The following ZNF618 variants were observed in gnomAD, a reference collection of about 807,000 sequenced individuals.
ZNF618 encodes neural precursor cell expressed, developmentally down-regulated 10.
Under a neutral mutation model 103.0 loss-of-function variants are expected in ZNF618, and 34 were observed. The ratio of observed to expected loss-of-function variants is 0.33; its 90% CI spans 0.25 to 0.44. The LOEUF (loss-of-function observed/expected upper bound fraction) is 0.44, where lower values mean the gene tolerates loss of function less well. Ranked by LOEUF, ZNF618 falls within the 20% of genes least tolerant of loss-of-function variation. The probability of loss-of-function intolerance (pLI) is 1.00; values close to 1 mark genes in which losing one functional copy is unlikely to be tolerated. For missense variants in ZNF618, 1,059 were observed against 1,295.4 expected, an observed-to-expected ratio of 0.82 and a Z score of 2.80; for synonymous variants, 551 against 542.2, an observed-to-expected ratio of 1.02 and a Z score of -0.23.
chr9:113,940,694 G>A (rs1834468390), intron 1 of ZNF618, among the ~76,000 whole-genome samples: 1 of 151,808 alleles, frequency 6.6e-6, no homozygotes, highest in African/African-American at 2.4e-5. Flanking sequence ...AAAACTTTTT[G>A]TTTTAAAATA....
chr9:113,901,031 C>G (rs1172903768), intron 1 of ZNF618, among the ~76,000 whole-genome samples: 1 of 60,866 alleles, frequency 1.6e-5, no homozygotes, highest in African/African-American at 7.2e-5. Flanking sequence ...CTCGCGCTAA[C>G]CCGACCTCCT....
chr9:113,987,870 A>G (rs1183915211), intron 2 of ZNF618, among the ~76,000 whole-genome samples: 4 of 150,660 alleles, frequency 2.7e-5, no homozygotes, highest in East Asian at 1.9e-4. Context: ...GCCCTACCCC[A>G]GAACAGCTGA....
chr9:113,950,603 C>T (rs1368796903), intron 1 of ZNF618, among the ~76,000 whole-genome samples: 4 of 152,164 alleles, frequency 2.6e-5, no homozygotes, highest in Non-Finnish European at 4.4e-5. Context: ...CAGCATTTTC[C>T]GAGTCTGTTT....
chr9:113,962,515 G>A (rs1006554038), intron 1 of ZNF618, among the ~76,000 whole-genome samples: 23 of 152,174 alleles, frequency 1.5e-4, no homozygotes, highest in African/African-American at 4.6e-4. Flanking sequence ...GGCCTGCAAG[G>A]CTCTGCATGA....
intron 10 of ZNF618, among the ~76,000 whole-genome samples, chr9:114,017,541 C>T (rs1842747891): frequency 1.3e-5 from 2 of 152,200 alleles, no homozygotes; most frequent in Admixed American, 6.5e-5. Context: ...GCCCATCAGC[C>T]TCCCTCTCTT....
intron 1 of ZNF618, among the ~76,000 whole-genome samples, chr9:113,915,766 T>C (rs367847035): frequency 5.3e-5 from 8 of 151,854 alleles, no homozygotes; most frequent in African/African-American, 1.7e-4. Flanking sequence ...GATGGACAGA[T>C]AGACAGACAG....
At chr9:113,884,396 G>A (rs1828852533) in intron 1 of ZNF618, among the ~76,000 whole-genome samples, 1 of 152,210 alleles carries the variant, frequency 6.6e-6, no homozygotes, top group African/African-American at 2.4e-5. Context: ...TATTGATGAT[G>A]ATGATTGAAG....
chr9:114,015,299 T>C (rs7026668), intron 9 of ZNF618, among the ~76,000 whole-genome samples: 87,565 of 152,110 alleles, frequency 0.58, 26,609 homozygotes, highest in East Asian at 0.67. Context: ...ATTTCATAAA[T>C]GTCAATATGC....
chr9:113,995,805 G>T (rs1400271748), intron 3 of ZNF618, among the ~76,000 whole-genome samples: 1 of 152,134 alleles, frequency 6.6e-6, no homozygotes, highest in Non-Finnish European at 1.5e-5. Context: ...CACCAGTATT[G>T]TAGGGTCACC....
intron 10 of ZNF618, among the ~76,000 whole-genome samples, chr9:114,017,940 G>A (rs530571674): frequency 2.0e-5 from 3 of 152,186 alleles, no homozygotes; most frequent in Non-Finnish European, 2.9e-5. Flanking sequence ...CCGTGGGTGA[G>A]AACTCCAGTC....
At chr9:113,904,311 GT>G (rs1372770202) in intron 1 of ZNF618, among the ~76,000 whole-genome samples, 1 of 149,816 alleles carries the variant, frequency 6.7e-6, no homozygotes, top group Non-Finnish European at 1.5e-5. Flanking sequence ...AGGTGATTAT[GT>G]TTTTTTTCCT....
chr9:114,028,581 T>C, intron 10 of ZNF618, 152 bp from the exon 11 acceptor site: 2 of 1,193,990 alleles, frequency 1.7e-6, no homozygotes, highest in Non-Finnish European at 2.3e-6. Flanking sequence ...TTTCTCTGGC[T>C]CTGAGTTAAG....
intron 1 of ZNF618, among the ~76,000 whole-genome samples, chr9:113,923,041 G>A (rs1408809455): frequency 6.6e-6 from 1 of 151,846 alleles, no homozygotes; most frequent in Admixed American, 6.6e-5. Context: ...TTATACCTAC[G>A]TTTTTATTTT....
At chr9:113,973,344 C>T (rs544809103) in intron 2 of ZNF618, among the ~76,000 whole-genome samples, 5 of 152,288 alleles carry the variant, frequency 3.3e-5, no homozygotes, top group South Asian at 2.1e-4. Context: ...TCTGCTACTA[C>T]GCCAGGGTCC....
intron 1 of ZNF618, among the ~76,000 whole-genome samples, chr9:113,956,883 A>G (rs1836355790): frequency 6.6e-6 from 1 of 152,264 alleles, no homozygotes; most frequent in African/African-American, 2.4e-5. Flanking sequence ...TAGTACTTAT[A>G]TACTGCTTAG....
chr9:113,883,985 C>CT (rs1564125351), intron 1 of ZNF618, among the ~76,000 whole-genome samples: 1 of 8,190 alleles, frequency 1.2e-4, no homozygotes, highest in Non-Finnish European at 4.3e-4. Context: ...GGGCTTGGCC[C>CT]CCCCCCCCCC....
chr9:113,918,703 T>C (rs552646731), intron 1 of ZNF618, among the ~76,000 whole-genome samples: 1 of 152,192 alleles, frequency 6.6e-6, no homozygotes, highest in Non-Finnish European at 1.5e-5. Flanking sequence ...TGGCAGCCCC[T>C]TCACGCAAGC....
chr9:113,969,788 G>A (rs1228114983), intron 2 of ZNF618, among the ~76,000 whole-genome samples: 2 of 152,196 alleles, frequency 1.3e-5, no homozygotes, highest in African/African-American at 4.8e-5. Context: ...TGCTGCCGCT[G>A]CTGTTGCTGC....
At chr9:113,895,083 T>C (rs1053910041) in intron 1 of ZNF618, among the ~76,000 whole-genome samples, 5 of 116,826 alleles carry the variant, frequency 4.3e-5, no homozygotes, top group African/African-American at 1.5e-4. Flanking sequence ...GTTTCAGAAA[T>C]GTATATTTTT....
Sources: gnomAD v4.1 joint callset for allele counts (sites outside exome capture counted in the v4.1 genomes callset) on GRCh38, gnomAD v4.1.1 for gene constraint, MANE v1.5 for transcripts, NCBI Gene and HGNC (gene_info 2026-07-23, HGNC 2026-07-21) for gene names.